TJP1: variants seen among roughly 807,000 people sequenced by gnomAD.
TJP1 encodes the protein tight junction protein 1, also known as tight junction protein ZO-1.
TJP1 carries 43 observed loss-of-function variants against 194.2 expected under a neutral mutation model. The observed-to-expected ratio is 0.22, with a 90% CI of 0.17 to 0.29. The LOEUF (loss-of-function observed/expected upper bound fraction) is 0.29, where lower values mean the gene tolerates loss of function less well. Ranked by LOEUF, TJP1 falls within the 10% of genes least tolerant of loss-of-function variation. TJP1 has a pLI of 1.00. For synonymous variants in TJP1, 801 were observed against 779.0 expected (o/e 1.03, Z -0.47); for missense variants, 1,971 against 2,185.7 (o/e 0.90, Z 1.96).
intron 2 of TJP1, among the ~76,000 whole-genome samples, chr15:29,904,798 A>G (rs945009230): frequency 3.0e-4 from 45 of 152,378 alleles, no homozygotes; most frequent in Admixed American, 1.3e-3. Flanking sequence ...ATGGGATTAC[A>G]GTAGACCCTA....
chr15:29,917,051 C>G (rs1321289923), intron 2 of TJP1, among the ~76,000 whole-genome samples: 1 of 152,174 alleles, frequency 6.6e-6, no homozygotes, highest in African/African-American at 2.4e-5. Flanking sequence ...AGATTAAGGT[C>G]CATAAAGTAT....
Position 29,925,416 on chromosome 15 carries a change from C to T in TJP1, c.306+30816G>A, listed in dbSNP as rs745875984. 3.3e-5 allele frequency among the ~76,000 whole-genome samples: 5 copies of T among 152,138 alleles called. No individual in the cohort carries two copies. The East Asian group carries it at 5.8e-4, about 18-fold the overall frequency. On this transcript the variant is annotated intron_variant, in intron 2 of 28. Coordinates refer to the TJP1 transcript ENST00000356107. Reference sequence around the variant, plus strand: ...GCCCTGACAACTCTGGCACATCTGCCACCAGGTGTGTGGTGAGGTCATGAG... The same window carrying T: ...GCCCTGACAACTCTGGCACATCTGCTACCAGGTGTGTGGTGAGGTCATGAG...
At chr15:29,849,039 C>CT (rs1285923500) in intron 2 of TJP1, among the ~76,000 whole-genome samples, 1 of 151,898 alleles carries the variant, frequency 6.6e-6, no homozygotes. Flanking sequence ...AATGTAACAT[C>CT]TCTGAAACAT....
At chr15:29,794,085 G>T (rs2048260502) in intron 2 of TJP1, among the ~76,000 whole-genome samples, 1 of 152,094 alleles carries the variant, frequency 6.6e-6, no homozygotes, top group African/African-American at 2.4e-5. Flanking sequence ...GAAGCCATCA[G>T]GTCCTGGGCT....
chr15:29,782,611 A>G (rs1295431921), intron 2 of TJP1, among the ~76,000 whole-genome samples: 2 of 152,212 alleles, frequency 1.3e-5, no homozygotes, highest in Non-Finnish European at 2.9e-5. Context: ...AACTCAGGCA[A>G]TACCATTCTG....
At chr15:29,882,689 A>G (rs1014083729) in intron 2 of TJP1, among the ~76,000 whole-genome samples, 1 of 152,198 alleles carries the variant, frequency 6.6e-6, no homozygotes, top group African/African-American at 2.4e-5. Flanking sequence ...GTCCTTGTAT[A>G]ATGACCCTCC....
At chr15:29,862,043 C>T (rs748067924) in intron 2 of TJP1, among the ~76,000 whole-genome samples, 2 of 152,124 alleles carry the variant, frequency 1.3e-5, no homozygotes, top group Non-Finnish European at 2.9e-5. Context: ...AGGGGTCCAA[C>T]TTCATTCCTT....
At chr15:29,744,989 G>A (rs778845358) in intron 8 of TJP1, among the ~76,000 whole-genome samples, 64 of 152,186 alleles carry the variant, frequency 4.2e-4, no homozygotes, top group Admixed American at 1.0e-3. Context: ...AGATTAGTTC[G>A]ACATTAGGAA....
chr15:29,918,759 A>G (rs2054266250), intron 2 of TJP1, among the ~76,000 whole-genome samples: 1 of 152,146 alleles, frequency 6.6e-6, no homozygotes, highest in Non-Finnish European at 1.5e-5. Flanking sequence ...AGTATAAATA[A>G]AAAAGGTTAG....
In TJP1 at chr15:29,701,654, C is replaced by T. The variant is rs775050755; in HGVS notation, c.5248G>A (p.Gly1750Arg). The change falls in exon 28 of 28, where the codon GGA becomes AGA. Residue 1750 changes from glycine to arginine, a missense_variant. This residue lies in a region of TJP1 where 1,108 missense variants were observed against 1,128.5 expected (regional missense o/e 0.98). Transcript: ENST00000614355. The part of the protein sequence containing the change: ...PKTWQNKCLP[G>R]DPNYLVGANC... ...GCTCCAACGAGATAATTTGGATCTC[C>T]GGGAAGACACTTGTTTTGCCAGGTT... 1.9e-6 allele frequency: 3 copies of T among 1,613,804 alleles called. No individual in the cohort carries two copies. The highest frequency in any genetic ancestry group is 1.3e-5 in the African/African-American group (1 of 74,862).
At chr15:29,856,542 G>A (rs1012584244) in intron 2 of TJP1, among the ~76,000 whole-genome samples, 1 of 152,074 alleles carries the variant, frequency 6.6e-6, no homozygotes, top group African/African-American at 2.4e-5. Flanking sequence ...CTTGTATCAT[G>A]TCAAGAAATA....
Position 29,754,487 on chromosome 15 carries a change from C to G in TJP1, c.1010+6652G>C, listed in dbSNP as rs143210757. ...ACACATGTTTACCTACGTAACAAAC[C>G]TGCATATGTACCCCTAAACCTAAAA... On this transcript the variant is annotated intron_variant, in intron 8 of 27. Transcript: ENST00000614355. Among the ~76,000 whole-genome samples the G allele has an allele frequency of 1.5e-3, 230 of 152,186 alleles. 1 individual carries two copies. Among genetic ancestry groups the G allele is most frequent in the African/African-American group, 5.4e-3 (226 of 41,526 alleles).
At chr15:29,821,757 G>T (rs1490832097) in intron 1 of TJP1, among the ~76,000 whole-genome samples, 1 of 151,152 alleles carries the variant, frequency 6.6e-6, no homozygotes, top group Non-Finnish European at 1.5e-5. Context: ...CACCTGCCCA[G>T]TACGGCGGCC....
intron 2 of TJP1, among the ~76,000 whole-genome samples, chr15:29,833,331 ATACTT>A (rs1371623646): frequency 1.2e-4 from 18 of 152,304 alleles, no homozygotes; most frequent in Admixed American, 2.0e-4. Context: ...GCAAAATACT[ATACTT>A]GTAAAAGAAA....
At chr15:29,792,300 A>G (rs1315304667) in intron 2 of TJP1, among the ~76,000 whole-genome samples, 1 of 152,212 alleles carries the variant, frequency 6.6e-6, no homozygotes, top group Non-Finnish European at 1.5e-5. Flanking sequence ...ATAGGGGTCC[A>G]GTTTCATTCT....
rs58650840 is a variant in TJP1, at chr15:29,761,469, A to G, written c.862+132T>C. 1.6e-4 allele frequency: 205 copies of G among 1,314,972 alleles called. No homozygotes were observed. The East Asian group carries it at 4.9e-3, about 31-fold the overall frequency. The allele number at this position is 1,314,972 out of a possible 1,614,324, so 81.5% of individuals were successfully genotyped here. Reference sequence around the variant, plus strand: ...GTGAGTTGTCTACAGGAAAAAATGTATATAAAACTTATAGATTTTGAAGGT... The same window carrying G: ...GTGAGTTGTCTACAGGAAAAAATGTGTATAAAACTTATAGATTTTGAAGGT... On this transcript the variant is annotated intron_variant, in intron 7 of 27. Transcript: ENST00000614355.
intron 2 of TJP1, among the ~76,000 whole-genome samples, chr15:29,953,217 C>T (rs1367974251): frequency 1.5e-5 from 2 of 136,976 alleles, no homozygotes; most frequent in African/African-American, 2.6e-5. Context: ...TCTTGGCTCA[C>T]TGCAACCTCC....
chr15:29,969,026 C>G (rs191917344), upstream of TJP1, among the ~76,000 whole-genome samples: 1 of 146,848 alleles, frequency 6.8e-6, no homozygotes, highest in Non-Finnish European at 1.5e-5. Flanking sequence ...CCCCTTCCAC[C>G]CCTGCAGGCC....
At chr15:29,881,063 T>C (rs76640646) in intron 2 of TJP1, among the ~76,000 whole-genome samples, 11,211 of 152,284 alleles carry the variant, frequency 0.074, 440 homozygotes, top group South Asian at 0.11. Flanking sequence ...CAGTGCACAA[T>C]GCAAGGGCTC....
Sources: allele counts gnomAD v4.1 joint callset (sites outside exome capture counted in the v4.1 genomes callset), GRCh38; gene constraint gnomAD v4.1.1; regional missense constraint gnomAD v4.1.1; transcripts MANE v1.5; gene names NCBI Gene and HGNC (gene_info 2026-07-23, HGNC 2026-07-21).